The following EGF variants were observed in gnomAD, a reference collection of about 807,000 sequenced individuals.
The protein encoded by EGF is epidermal growth factor.
Under a neutral mutation model 143.8 loss-of-function variants are expected in EGF, and 95 were observed. The ratio of observed to expected loss-of-function variants is 0.66; its 90% CI spans 0.56 to 0.78. The LOEUF is 0.78. Among genes scored for constraint, EGF ranks in the 30% least tolerant of loss-of-function variants. EGF has a pLI of 0.00. For synonymous variants in EGF, 510 were observed against 510.5 expected (o/e 1.00, Z 0.01); for missense variants, 1,320 against 1,470.9 (o/e 0.90, Z 1.68).
Position 109,993,272 on chromosome 4 carries a change from G to C in EGF, c.2760G>C (p.Glu920Asp). 6.2e-7 allele frequency: 1 copy of C among 1,613,800 alleles called. No individual in the cohort carries two copies. Among genetic ancestry groups the C allele is most frequent in the Non-Finnish European group, 8.5e-7 (1 of 1,179,874 alleles). Residue 920 changes from glutamate (E) to aspartate (D), a missense_variant, in exon 19 of 24, where the codon GAG (glutamate) becomes GAC (aspartate). Glu to Asp is a conservative substitution (Grantham distance 45). Around this residue, in one of 5 missense-constraint regions of EGF, gnomAD observed 1,186 missense variants for 1,313.7 expected, o/e 0.90. Coordinates refer to ENST00000265171, the MANE Select transcript of EGF (RefSeq NM_001963.6). ...CLDIDECQLG[E>D]HSCGENASCT... ...ATATTGATGAGTGCCAACTGGGGGA[G>C]CACAGCTGTGGAGAGAATGCCAGCT...
rs530838383 is a variant in EGF, at chr4:109,957,472, ATCTG to A, written c.941-1836_941-1833del. ...AATGTGCTGCCACAGCCAGTGTAGC[ATCTG>A]TCTATTTTTAGACAAGATGTTGCCC... On this transcript the variant is annotated intron_variant, in intron 5 of 23. Coordinates refer to ENST00000265171, the MANE Select transcript of EGF (RefSeq NM_001963.6). Among the ~76,000 whole-genome samples the A allele has an allele frequency of 1.4e-3, 210 of 152,402 alleles. 1 individual carries two copies. Among genetic ancestry groups the A allele is most frequent in the Middle Eastern group, 6.8e-3 (2 of 294 alleles).
Position 109,932,539 on chromosome 4 carries a change from T to G in EGF, c.128-8407T>G, listed in dbSNP as rs185365051. Among the ~76,000 whole-genome samples, 1,405 of 151,138 alleles carry G rather than the reference T, an allele frequency of 9.3e-3. 8 individuals are homozygous for G. Among genetic ancestry groups the G allele is most frequent in the South Asian group, 0.019 (90 of 4,768 alleles). Reference sequence around the variant, plus strand: ...GACTACAGGCGCTCGCCACCATGCCTGGCTAATTTTTTGTATTTTTAGTAG... The same window carrying G: ...GACTACAGGCGCTCGCCACCATGCCGGGCTAATTTTTTGTATTTTTAGTAG... On this transcript the variant is annotated intron_variant, in intron 1 of 23. Transcript: ENST00000265171.
At chr4:109,986,959 T>G (rs1048695848) in intron 16 of EGF, among the ~76,000 whole-genome samples, 1 of 152,238 alleles carries the variant, frequency 6.6e-6, no homozygotes, top group Non-Finnish European at 1.5e-5. Context: ...CTATTATATA[T>G]GATATTAGTA....
At chr4:109,983,216 T>C (rs187938369) in intron 15 of EGF, among the ~76,000 whole-genome samples, 1 of 152,258 alleles carries the variant, frequency 6.6e-6, no homozygotes, top group East Asian at 1.9e-4. Flanking sequence ...CCCCGAATCA[T>C]TAAGTGCTCA....
chr4:110,010,363 C>T (rs991193628), intron 23 of EGF, among the ~76,000 whole-genome samples: 2 of 152,186 alleles, frequency 1.3e-5, no homozygotes, highest in African/African-American at 2.4e-5. Context: ...AGCTAAAGAG[C>T]AATGTGTCAG....
chr4:109,967,701 C>T (rs918935748), intron 10 of EGF, among the ~76,000 whole-genome samples: 5 of 152,060 alleles, frequency 3.3e-5, no homozygotes, highest in African/African-American at 4.8e-5. Context: ...AAGAACTTCG[C>T]ATTGGCAAGA....
intron 5 of EGF, among the ~76,000 whole-genome samples, chr4:109,956,289 G>A (rs573356512): frequency 1.3e-5 from 2 of 152,278 alleles, no homozygotes; most frequent in South Asian, 4.1e-4. Context: ...TCCCTGATTG[G>A]TAATCCAGTA....
chr4:109,953,513 C>A (rs78029602), intron 5 of EGF, among the ~76,000 whole-genome samples: 2,214 of 152,290 alleles, frequency 0.015, 45 homozygotes, highest in African/African-American at 0.049. Flanking sequence ...TCTTAATTTA[C>A]GTGTTTTCAA....
At chr4:109,961,108 GA>G in intron 7 of EGF, 119 bp downstream of exon 7, 1 of 1,196,922 alleles carries the variant, frequency 8.4e-7, no homozygotes, top group Non-Finnish European at 1.2e-6. Flanking sequence ...AATTACCTTT[GA>G]GTTTTATTTT....
chr4:109,932,416 T>C (rs956772992), intron 1 of EGF, among the ~76,000 whole-genome samples: 6 of 147,156 alleles, frequency 4.1e-5, no homozygotes, highest in Non-Finnish European at 9.0e-5. Context: ...TCTCGCTCTG[T>C]TGCCCAGGCT....
chr4:110,005,218 G>T (rs919136832), intron 22 of EGF, among the ~76,000 whole-genome samples: 2 of 151,214 alleles, frequency 1.3e-5, no homozygotes, highest in Non-Finnish European at 3.0e-5. Context: ...GCTAATTTTT[G>T]TATTTTTTGT....
chr4:109,984,917 C>T (rs955077378), intron 16 of EGF, among the ~76,000 whole-genome samples: 2 of 152,126 alleles, frequency 1.3e-5, no homozygotes, highest in African/African-American at 4.8e-5. Context: ...GCTGGGGATA[C>T]CAAGATGAGC....
chr4:109,987,623 G>T, intron 16 of EGF, 121 bp from the exon 17 acceptor site: 2 of 832,396 alleles, frequency 2.4e-6, no homozygotes, highest in East Asian at 2.4e-5. Flanking sequence ...CTATTTGGAG[G>T]TTAACCTGTC....
intron 20 of EGF, among the ~76,000 whole-genome samples, chr4:109,998,602 C>A (rs550365939): frequency 2.0e-5 from 3 of 152,308 alleles, no homozygotes; most frequent in African/African-American, 7.2e-5. Context: ...AGTACTAATC[C>A]ATTTCCCTCC....
rs1166110907 is a variant in EGF, at chr4:110,013,092, A to G, written c.*1637A>G. Among the ~76,000 whole-genome samples, 2 of 152,162 alleles carry G rather than the reference A, an allele frequency of 1.3e-5. No homozygotes were observed. The highest frequency in any genetic ancestry group is 3.8e-4 in the East Asian group (2 of 5,198). ...ACCCAGCTAATTTAGATTTTTCTAT[A>G]TTCGGTTTTGCTTTCATTGACAATA... is the stretch of plus-strand genomic sequence containing the variant. On this transcript the variant is annotated 3_prime_UTR_variant, in exon 24 of 24. Coordinates refer to ENST00000265171, the MANE Select transcript of EGF (RefSeq NM_001963.6).
rs35647377 is a variant in EGF at position 109,932,379 on chromosome 4, ATTTT to A, written c.128-8553_128-8550del. 1.2e-3 allele frequency among the ~76,000 whole-genome samples: 132 copies of A among 113,296 alleles called. No homozygotes were observed. The East Asian group carries it at 0.023, about 20-fold the overall frequency. 74.3% of individuals were successfully genotyped at this position (113,296 alleles called of 152,430 possible). On this transcript the variant is annotated intron_variant, in intron 1 of 23. Transcript: ENST00000265171. ...TTTAGTCATATATATATATATATAAATTTTTTTTTTTTTTTTTGAGACGGAGTCT... is the reference window on the plus strand; with the variant it reads ...TTTAGTCATATATATATATATATAAATTTTTTTTTTTTTGAGACGGAGTCT...
In EGF at chr4:110,011,577, TC is replaced by T; in HGVS notation, c.*123del. ...ACAATCTCTACGACTAATCACCTAC[TC>T]AATGCCTGGAGACAGATACGTAGTT... On this transcript the variant is annotated 3_prime_UTR_variant, in exon 24 of 24. Transcript: ENST00000265171. 1 of 1,444,628 alleles carries T rather than the reference TC, an allele frequency of 6.9e-7. No individual in the cohort carries two copies. The highest frequency in any genetic ancestry group is 2.3e-5 in the East Asian group (1 of 43,104). The allele number at this position is 1,444,628 out of a possible 1,614,324, so 89.5% of individuals were successfully genotyped here. A position where few individuals can be genotyped will look rare whatever the true frequency, so the allele number is the denominator to read the frequency against.
chr4:109,945,921 G>A (rs1012563716), intron 5 of EGF, among the ~76,000 whole-genome samples: 2 of 152,166 alleles, frequency 1.3e-5, no homozygotes, highest in African/African-American at 4.8e-5. Context: ...GGTAGAGAGG[G>A]GGTACCTATT....
intron 5 of EGF, among the ~76,000 whole-genome samples, chr4:109,949,224 A>G (rs533418213): frequency 6.2e-4 from 95 of 152,112 alleles, no homozygotes; most frequent in African/African-American, 2.1e-3. Flanking sequence ...ACCCACCACC[A>G]TGCCCAGCTA....
Sources: allele counts gnomAD v4.1 joint callset (sites outside exome capture counted in the v4.1 genomes callset), GRCh38; gene constraint gnomAD v4.1.1; regional missense constraint gnomAD v4.1.1; transcripts MANE v1.5; gene names NCBI Gene and HGNC (gene_info 2026-07-23, HGNC 2026-07-21).